Variants in RSPRY1 observed in about 807,000 individuals in gnomAD.
RSPRY1 encodes the protein RING finger and SPRY domain-containing protein 1.
In RSPRY1, 23 loss-of-function variants were observed where a neutral mutation model predicts 73.1. The observed-to-expected ratio is 0.31, with a 90% confidence interval of 0.23 to 0.45. RSPRY1 has a LOEUF of 0.45. RSPRY1 is among the 20% of genes least tolerant of loss of function. The pLI is 1.00. For synonymous variants in RSPRY1, 226 were observed against 251.4 expected (o/e 0.90, Z 0.95); for missense variants, 448 against 698.7 (o/e 0.64, Z 4.05).
chr16:57,198,107 C>A (rs1293481849), intron 1 of RSPRY1, among the ~76,000 whole-genome samples: 1 of 151,934 alleles, frequency 6.6e-6, no homozygotes, highest in Non-Finnish European at 1.5e-5. Flanking sequence ...CTAAATGGGC[C>A]GGGCACGGTG....
Position 57,231,199 on chromosome 16 carries a change from C to G in RSPRY1, c.1409C>G (p.Ser470Ter). 6.2e-7 allele frequency: 1 copy of G among 1,613,610 alleles called. No homozygotes were observed. The highest frequency in any genetic ancestry group is 8.5e-7 in the Non-Finnish European group (1 of 1,179,808). The change falls in exon 13 of 15, where the codon TCA becomes TGA. Residue 470 changes from serine (S) to a stop codon, truncating the protein, a stop_gained. Transcript: ENST00000394420. LOFTEE classifies it high-confidence loss of function. Reference protein sequence around the residue: ...SGFFAAASFMSYQQCEFNFGA... With the variant: ...SGFFAAASFM ...TTTTTTGCTGCAGCTAGTTTCATGT[C>G]ATATCAACAATGTGAGTTCAATTTT...
At chr16:57,227,248 C>G in intron 10 of RSPRY1, 94 bp from the exon 11 acceptor site, 1 of 796,426 alleles carries the variant, frequency 1.3e-6, no homozygotes, top group Non-Finnish European at 2.2e-6. Flanking sequence ...CTTAGAATCC[C>G]AGCCATTAGG....
intron 1 of RSPRY1, chr16:57,186,901 T>C (rs1479548727): frequency 6.6e-6 from 1 of 151,976 alleles, no homozygotes; most frequent in Non-Finnish European, 1.5e-5. Flanking sequence ...GAGGGTTCTT[T>C]TTGTGGAGTT....
In RSPRY1 at chr16:57,220,760, T is replaced by C. The variant is rs770552382; in HGVS notation, c.930T>C (p.Tyr310=). Residue 310 remains tyrosine (Y), a synonymous_variant, in exon 9 of 15, where the codon TAT becomes TAC. Transcript: ENST00000394420. ...TAAAAGAAGGTAGACAGCTGACCTATGAGAAAGTGAACTTGAGTAGCATTA... is the reference window on the plus strand; with the variant it reads ...TAAAAGAAGGTAGACAGCTGACCTACGAGAAAGTGAACTTGAGTAGCATTA... The part of the protein sequence containing the change: ...LFLKEGRQLT[Y]EKVNLSSIRA... 2 of 1,613,532 alleles carry C rather than the reference T, an allele frequency of 1.2e-6. No individual in the cohort carries two copies. The highest frequency in any genetic ancestry group is 1.1e-5 in the South Asian group (1 of 91,076).
In RSPRY1 at chr16:57,217,016, G is replaced by A; in HGVS notation, c.882G>A (p.Gln294=). The A allele has an allele frequency of 1.2e-6, 2 of 1,614,186 alleles. No individual in the cohort carries two copies. The highest frequency in any genetic ancestry group is 8.5e-7 in the Non-Finnish European group (1 of 1,180,028). Residue 294 remains glutamine (Q), a synonymous_variant, in exon 8 of 15, where the codon CAG becomes CAA. Transcript: ENST00000394420. The part of the protein sequence containing the change: ...YLKRQVGFCA[Q]WSLDNLFLKE... ...AACGTCAAGTTGGTTTCTGTGCCCAGTGGAGCTTAGACAATCTCTGTAAGT... is the reference window on the plus strand; with the variant it reads ...AACGTCAAGTTGGTTTCTGTGCCCAATGGAGCTTAGACAATCTCTGTAAGT...
At chr16:57,190,130 G>A (rs112286780) in intron 1 of RSPRY1, among the ~76,000 whole-genome samples, 18 of 152,098 alleles carry the variant, frequency 1.2e-4, no homozygotes, top group African/African-American at 4.1e-4. Flanking sequence ...CACTTTGGGC[G>A]GCCAAGGCGG....
Position 57,197,185 on chromosome 16 carries a change from C to T in RSPRY1, c.-155-7319C>T, listed in dbSNP as rs151226104. Among the ~76,000 whole-genome samples the T allele has an allele frequency of 7.1e-3, 1,088 of 152,206 alleles. 12 individuals are homozygous for T. Among genetic ancestry groups the T allele is most frequent in the African/African-American group, 0.025 (1,048 of 41,510 alleles). On this transcript the variant is annotated intron_variant, in intron 1 of 14. Transcript: ENST00000394420. ...CTAAAGTGTAATTGATTAGCTTTCA[C>T]CCAGTCTTTTGCCTGCAGTCCATCA... is the stretch of plus-strand genomic sequence containing the variant.
chr16:57,224,483 A>G (rs543723451), intron 10 of RSPRY1: 2 of 152,350 alleles, frequency 1.3e-5, no homozygotes, highest in African/African-American at 4.8e-5. Flanking sequence ...GTATTTGGTA[A>G]TGTTTCCATT....
chr16:57,238,825 G>T (rs2075338785), intron 14 of RSPRY1, 54 bp from the exon 15 acceptor site: 1 of 972,430 alleles, frequency 1.0e-6, no homozygotes, highest in South Asian at 1.9e-5. Context: ...CAGGCAGTTG[G>T]AGTTTGACCT....
rs756616961 is a variant in RSPRY1, at chr16:57,227,427, C to G, written c.1247C>G (p.Pro416Arg). 1 of 1,613,824 alleles carries G rather than the reference C, an allele frequency of 6.2e-7. No homozygotes were observed. Among genetic ancestry groups the G allele is most frequent in the Non-Finnish European group, 8.5e-7 (1 of 1,179,752 alleles). ...QLIWYNARSK[P>R]HIHPCWKEGD... ...ATTTGGTACAATGCCAGAAGTAAGC[C>G]TCACATACACCCATGCTGGAAAGAA... Residue 416 changes from proline to arginine, a missense_variant, in exon 11 of 15, where the codon CCT (proline) becomes CGT (arginine). By Grantham distance (103) the Pro-to-Arg change is moderately radical. Transcript: ENST00000394420.
At chr16:57,229,355 ACTT>A (rs1270528133) in intron 11 of RSPRY1, among the ~76,000 whole-genome samples, 1 of 152,156 alleles carries the variant, frequency 6.6e-6, no homozygotes, top group Non-Finnish European at 1.5e-5. Context: ...TAATCCCAGC[ACTT>A]TTGGAGATCA....
intron 1 of RSPRY1, among the ~76,000 whole-genome samples, chr16:57,190,827 G>A (rs2074340184): frequency 6.6e-6 from 1 of 152,116 alleles, no homozygotes; most frequent in African/African-American, 2.4e-5. Flanking sequence ...AGTGGTTGCT[G>A]GTTAAATATG....
upstream of RSPRY1, chr16:57,186,224 G>A (rs750422966): frequency 5.7e-5 from 55 of 961,634 alleles, no homozygotes; most frequent in Non-Finnish European, 6.3e-5. Context: ...CACGTGACAC[G>A]ATTTTTGAAA....
At chr16:57,208,939 T>C in intron 3 of RSPRY1, 136 bp from the exon 4 acceptor site, 2 of 590,650 alleles carry the variant, frequency 3.4e-6, no homozygotes, top group Non-Finnish European at 5.9e-6. Flanking sequence ...TTGATGATTA[T>C]GTCCATGCCA....
At chr16:57,208,300 AC>A (rs1477600188) in intron 3 of RSPRY1, among the ~76,000 whole-genome samples, 190 bp downstream of exon 3, 3 of 118,364 alleles carry the variant, frequency 2.5e-5, no homozygotes, top group South Asian at 2.5e-4. Flanking sequence ...TGCATATTAT[AC>A]CTTTTTTTTT....
intron 1 of RSPRY1, among the ~76,000 whole-genome samples, chr16:57,195,567 T>C (rs1415042425): frequency 1.3e-5 from 2 of 151,848 alleles, no homozygotes; most frequent in Non-Finnish European, 1.5e-5. Flanking sequence ...ACTTAGGTGG[T>C]AAGAAGAGTC....
At chr16:57,219,619 T>C (rs552532685) in intron 8 of RSPRY1, 2 of 152,352 alleles carry the variant, frequency 1.3e-5, no homozygotes, top group South Asian at 4.1e-4. Context: ...GATGTCTCTT[T>C]ACTTCGTTGA....
intron 11 of RSPRY1, among the ~76,000 whole-genome samples, chr16:57,228,850 G>A (rs1202322680): frequency 1.3e-5 from 2 of 151,950 alleles, no homozygotes; most frequent in Non-Finnish European, 2.9e-5. Flanking sequence ...ACACCACCAC[G>A]CCCGGCTAAT....
intron 1 of RSPRY1, among the ~76,000 whole-genome samples, chr16:57,198,313 G>A (rs1347534111): frequency 3.3e-5 from 5 of 152,020 alleles, no homozygotes; most frequent in Non-Finnish European, 7.4e-5. Flanking sequence ...GAACCTGGGA[G>A]GCGGAGCTTG....
Sources: allele counts gnomAD v4.1 joint callset (sites outside exome capture counted in the v4.1 genomes callset), GRCh38; gene constraint gnomAD v4.1.1; transcripts MANE v1.5; gene names NCBI Gene and HGNC (gene_info 2026-07-23, HGNC 2026-07-21).